Variants in RNF10 observed in about 807,000 individuals in gnomAD.
The protein encoded by RNF10 is E3 ubiquitin-protein ligase RNF10.
Under a neutral mutation model 91.4 loss-of-function variants are expected in RNF10, and 38 were observed. The ratio of observed to expected loss-of-function variants is 0.42; its 90% CI spans 0.32 to 0.54. RNF10 has a LOEUF of 0.54. RNF10 is among the 20% of genes least tolerant of loss of function. The probability of loss-of-function intolerance (pLI) is 0.16; values close to 1 mark genes in which losing one functional copy is unlikely to be tolerated. For missense variants in RNF10, 945 were observed against 1,012.0 expected, an observed-to-expected ratio of 0.93 and a Z score of 0.90; for synonymous variants, 364 against 366.3, an observed-to-expected ratio of 0.99 and a Z score of 0.07.
intron 1 of RNF10, among the ~76,000 whole-genome samples, chr12:120,545,513 C>T (rs1005714890): frequency 6.6e-6 from 1 of 151,358 alleles, no homozygotes; most frequent in Non-Finnish European, 1.5e-5. Flanking sequence ...GGATATGACT[C>T]AATCTGATCC....
chr12:120,546,699 G>A (rs1368582118), intron 2 of RNF10, 98 bp downstream of exon 2: 7 of 1,071,442 alleles, frequency 6.5e-6, no homozygotes, highest in Admixed American at 2.6e-5. Context: ...GGGAACAAGA[G>A]GTAGAGGAAT....
chr12:120,545,046 C>T (rs1407563188), intron 1 of RNF10, among the ~76,000 whole-genome samples: 8 of 152,120 alleles, frequency 5.3e-5, no homozygotes, highest in Admixed American at 1.3e-4. Flanking sequence ...ATTTGTGACA[C>T]GTATGTAAAA....
intron 6 of RNF10, among the ~76,000 whole-genome samples, chr12:120,559,502 A>G (rs1221229520): frequency 6.6e-6 from 1 of 151,986 alleles, no homozygotes; most frequent in Non-Finnish European, 1.5e-5. Context: ...CTCCTGCCTC[A>G]GCGTCCTGAG....
At chr12:120,571,352 T>C in intron 14 of RNF10, 61 bp downstream of exon 14, 2 of 1,196,574 alleles carry the variant, frequency 1.7e-6, no homozygotes. Context: ...CTGCTCATTA[T>C]TATGGGAACC....
At chr12:120,576,530 C>G in intron 16 of RNF10, 60 bp from the exon 17 acceptor site, 1 of 1,575,012 alleles carries the variant, frequency 6.3e-7, no homozygotes, top group Non-Finnish European at 8.6e-7. Flanking sequence ...GTAATGAAAA[C>G]TGGCCAGGGG....
intron 1 of RNF10, among the ~76,000 whole-genome samples, chr12:120,545,045 A>T (rs1386629133): frequency 6.6e-6 from 1 of 152,252 alleles, no homozygotes; most frequent in Non-Finnish European, 1.5e-5. Context: ...GATTTGTGAC[A>T]CGTATGTAAA....
rs1203644872 is a variant in RNF10, at chr12:120,535,094, T to G, written c.157+126T>G. Reference sequence around the variant, plus strand: ...TCTTTTATAGCTCCTACCTGCCCTTTTCCATGGCTCTCATTTGCAGTTACA... The same window carrying G: ...TCTTTTATAGCTCCTACCTGCCCTTGTCCATGGCTCTCATTTGCAGTTACA... On this transcript the variant is annotated intron_variant, in intron 1 of 16. Coordinates refer to ENST00000325954, the MANE Select transcript of RNF10 (RefSeq NM_014868.5). The G allele has an allele frequency of 1.9e-5, 20 of 1,038,924 alleles. No homozygotes were observed. In the Admixed American group the frequency reaches 6.2e-4, roughly 32 times the overall value. 64.4% of individuals were successfully genotyped at this position (1,038,924 alleles called of 1,614,324 possible). A position where few individuals can be genotyped will look rare whatever the true frequency, so the allele number is the denominator to read the frequency against.
intron 1 of RNF10, chr12:120,539,353 C>T: frequency 1.6e-6 from 2 of 1,240,546 alleles, no homozygotes; most frequent in Non-Finnish European, 2.1e-6. Flanking sequence ...CCACCTCTCT[C>T]TTCCTTTCAT....
chr12:120,568,138 G>C (rs769082841), intron 13 of RNF10, among the ~76,000 whole-genome samples: 28 of 152,104 alleles, frequency 1.8e-4, no homozygotes, highest in Non-Finnish European at 3.8e-4. Flanking sequence ...CCAGCTACTT[G>C]GGAGGCTGAG....
chr12:120,565,856 C>G (rs916423442), intron 12 of RNF10, among the ~76,000 whole-genome samples: 2 of 152,224 alleles, frequency 1.3e-5, no homozygotes, highest in African/African-American at 4.8e-5. Flanking sequence ...GACCTTACCT[C>G]TGACTCTTTA....
intron 4 of RNF10, among the ~76,000 whole-genome samples, chr12:120,555,771 C>T (rs1873894441): frequency 6.6e-6 from 1 of 151,850 alleles, no homozygotes; most frequent in Non-Finnish European, 1.5e-5. Flanking sequence ...GGTGGGATTA[C>T]AGGCATGAGC....
chr12:120,546,672 T>G, intron 2 of RNF10, 71 bp downstream of exon 2: 1 of 1,365,118 alleles, frequency 7.3e-7, no homozygotes, highest in Non-Finnish European at 1.0e-6. Context: ...TCCCCCAGTT[T>G]ATCAGTAGTT....
chr12:120,534,757 G>C lies in RNF10; in HGVS notation c.-55G>C. The C allele has an allele frequency of 2.0e-6, 3 of 1,513,624 alleles. No homozygotes were observed. The highest frequency in any genetic ancestry group is 2.6e-6 in the Non-Finnish European group (3 of 1,138,838). The allele number at this position is 1,513,624 out of a possible 1,614,324, so 93.8% of individuals were successfully genotyped here. A position where few individuals can be genotyped will look rare whatever the true frequency, so the allele number is the denominator to read the frequency against. The stretch of plus-strand genomic sequence containing the variant: ...GCCGGCCCTGAACGCCATGAGCCTG[G>C]GTCCCCGCCGCGCCCGCTCCGCTCC... On this transcript the variant is annotated 5_prime_UTR_variant, in exon 1 of 17. Coordinates refer to ENST00000325954, the MANE Select transcript of RNF10 (RefSeq NM_014868.5).
chr12:120,535,576 A>G (rs572736357), intron 1 of RNF10: 1 of 152,342 alleles, frequency 6.6e-6, no homozygotes, highest in Admixed American at 6.5e-5. Context: ...TTGTAAAGGT[A>G]GGTGGAGGTA....
At chr12:120,540,124 T>C in intron 1 of RNF10, among the ~76,000 whole-genome samples, 1 of 105,380 alleles carries the variant, frequency 9.5e-6, no homozygotes, top group Non-Finnish European at 1.9e-5. Flanking sequence ...CCTAGGAATT[T>C]ATTATCTTTT....
At chr12:120,569,659 C>G (rs1249316609) in intron 13 of RNF10, among the ~76,000 whole-genome samples, 1 of 150,526 alleles carries the variant, frequency 6.6e-6, no homozygotes, top group East Asian at 2.0e-4. Context: ...GTGCCTCAGC[C>G]TCCCGAGTAG....
chr12:120,554,915 G>C (rs1446758972), intron 4 of RNF10, 107 bp downstream of exon 4: 34 of 866,874 alleles, frequency 3.9e-5, no homozygotes, highest in Non-Finnish European at 6.3e-5. Flanking sequence ...ACCCTTTTCT[G>C]CCTGGCCTTT....
intron 2 of RNF10, among the ~76,000 whole-genome samples, chr12:120,548,412 C>T (rs4767913): frequency 0.091 from 13,885 of 151,912 alleles, 1,059 homozygotes; most frequent in East Asian, 0.38. Flanking sequence ...ACAGTCAGGG[C>T]GGGAGGAAAA....
At chr12:120,550,862 C>G (rs967547182) in intron 2 of RNF10, among the ~76,000 whole-genome samples, 1 of 152,158 alleles carries the variant, frequency 6.6e-6, no homozygotes, top group Non-Finnish European at 1.5e-5. Context: ...TCCCAAAGTG[C>G]TGGGATTACA....
Sources: allele counts gnomAD v4.1 joint callset (sites outside exome capture counted in the v4.1 genomes callset), GRCh38; gene constraint gnomAD v4.1.1; transcripts MANE v1.5; gene names NCBI Gene and HGNC (gene_info 2026-07-23, HGNC 2026-07-21).